The following CCDC177 variants were observed in gnomAD, a reference collection of about 807,000 sequenced individuals.
The protein encoded by CCDC177 is coiled-coil domain containing 177.
In CCDC177, 2 loss-of-function variants were observed where a neutral mutation model predicts 7.3. That is an observed-to-expected ratio of 0.28 (90% CI 0.11 to 0.87). CCDC177 has a LOEUF of 0.87. Among genes scored for constraint, CCDC177 ranks in the 40% least tolerant of loss-of-function variants. The pLI, the probability that CCDC177 is intolerant of heterozygous loss-of-function variation, is 0.61. For missense variants in CCDC177, 874 were observed against 970.5 expected (o/e 0.90, Z 1.32); for synonymous variants, 401 against 449.2 (o/e 0.89, Z 1.36).
rs1348726865 is a variant in CCDC177 at position 69,572,252 on chromosome 14, C to G, written c.1371G>C (p.Gln457His). The G allele has an allele frequency of 8.1e-7, 1 of 1,229,278 alleles. No individual in the cohort carries two copies. 76.1% of individuals were successfully genotyped at this position (1,229,278 alleles called of 1,614,324 possible). A position where few individuals can be genotyped will look rare whatever the true frequency, so the allele number is the denominator to read the frequency against. The change falls in exon 2 of 2, where the codon CAG becomes CAC. Residue 457 changes from glutamine (Q) to histidine (H), a missense_variant. Gln to His is a conservative substitution (Grantham distance 24). Coordinates refer to ENST00000599174, the MANE Select transcript of CCDC177 (RefSeq NM_001271507.2). The part of the protein sequence containing the change: ...AREDRLRKLQ[Q>H]EQNLKQREEG... ...CCTCACGTTGCTTCAGGTTCTGCTC[C>G]TGCTGAAGCTTGCGCAGCCGATCCT...
chr14:69,571,450 G>C lies in CCDC177; in HGVS notation c.*49C>G. ...CTCCCACGATGGTCAGTGGTTGAGG[G>C]AGGCCCCAGGGGGCTGTGCGTGCCA... On this transcript the variant is annotated 3_prime_UTR_variant, in exon 2 of 2. Transcript: ENST00000599174. 1 of 1,218,980 alleles carries C rather than the reference G, an allele frequency of 8.2e-7. No homozygotes were observed. The allele number at this position is 1,218,980 out of a possible 1,614,324, so 75.5% of individuals were successfully genotyped here. A position where few individuals can be genotyped will look rare whatever the true frequency, so the allele number is the denominator to read the frequency against.
At position 69,573,492 on chromosome 14, in the gene CCDC177, G is replaced by A. The variant is rs1245432999; in HGVS notation, c.131C>T (p.Ala44Val). The A allele has an allele frequency of 8.1e-7, 1 of 1,231,074 alleles. No individual in the cohort carries two copies. Among genetic ancestry groups the A allele is most frequent in the East Asian group, 3.2e-5 (1 of 31,678 alleles). The allele number at this position is 1,231,074 out of a possible 1,614,324, so 76.3% of individuals were successfully genotyped here. A position where few individuals can be genotyped will look rare whatever the true frequency, so the allele number is the denominator to read the frequency against. Reference sequence around the variant, plus strand: ...GCGGGGCACCGCCGCGGAGGCCGAGGCCGAGGCCGAGGAAGCTGCGGGCTC... The same window carrying A: ...GCGGGGCACCGCCGCGGAGGCCGAGACCGAGGCCGAGGAAGCTGCGGGCTC... ...AQEPAASSASASASAAVPRKA... is the reference protein window; with the variant it reads ...AQEPAASSASVSASAAVPRKA... The change falls in exon 2 of 2, where the codon GCC becomes GTC. Residue 44 changes from alanine to valine, a missense_variant. Ala to Val is a moderately conservative substitution (Grantham distance 64, BLOSUM62 0). Transcript: ENST00000599174.
rs1884300393 is a variant in CCDC177, at chr14:69,570,505, A to C, written c.*994T>G. On this transcript the variant is annotated 3_prime_UTR_variant, in exon 2 of 2. Coordinates refer to ENST00000599174, the MANE Select transcript of CCDC177 (RefSeq NM_001271507.2). ...CCAAGGATACCCTAATTGTCCTCAG[A>C]GAAGTAGAGATGATTCCTTCACAGA... 3.3e-6 allele frequency: 1 copy of C among 307,150 alleles called. No homozygotes were observed. The highest frequency in any genetic ancestry group is 6.4e-6 in the Non-Finnish European group (1 of 156,612). 19.0% of individuals were successfully genotyped at this position (307,150 alleles called of 1,614,324 possible). A position where few individuals can be genotyped will look rare whatever the true frequency, so the allele number is the denominator to read the frequency against.
chr14:69,573,162 C>T lies in CCDC177; in HGVS notation c.461G>A (p.Arg154His). The change falls in exon 2 of 2, where the codon CGC becomes CAC. Residue 154 changes from arginine to histidine, a missense_variant. Transcript: ENST00000599174. ...ACGCCGCTTCTCCTCGCGCATGATGCGCTCGCGCTCGGCCCGGCATTGCTG... is the reference window on the plus strand; with the variant it reads ...ACGCCGCTTCTCCTCGCGCATGATGTGCTCGCGCTCGGCCCGGCATTGCTG... The part of the protein sequence containing the change: ...KLQQCRAERE[R>H]IMREEKRRLF... 2 of 1,229,760 alleles carry T rather than the reference C, an allele frequency of 1.6e-6. No homozygotes were observed. The highest frequency in any genetic ancestry group is 1.0e-6 in the Non-Finnish European group (1 of 986,722). The allele number at this position is 1,229,760 out of a possible 1,614,324, so 76.2% of individuals were successfully genotyped here.
In CCDC177 at chr14:69,570,207, C is replaced by T. The variant is rs1884293621; in HGVS notation, c.*1292G>A. On this transcript the variant is annotated 3_prime_UTR_variant, in exon 2 of 2. Coordinates refer to ENST00000599174, the MANE Select transcript of CCDC177 (RefSeq NM_001271507.2). ...CTCCCCCTCCAGGTCAAGAAAGGCA[C>T]AAAAAGGACCAACAAATAATACTGA... 3 of 153,094 alleles carry T rather than the reference C, an allele frequency of 2.0e-5. No individual in the cohort carries two copies. Among genetic ancestry groups the T allele is most frequent in the Admixed American group, 1.9e-4 (3 of 15,420 alleles). 9.5% of individuals were successfully genotyped at this position (153,094 alleles called of 1,614,324 possible). A position where few individuals can be genotyped will look rare whatever the true frequency, so the allele number is the denominator to read the frequency against.
rs779803819 is a variant in CCDC177, at chr14:69,570,697, A to G, written c.*802T>C. On this transcript the variant is annotated 3_prime_UTR_variant, in exon 2 of 2. Coordinates refer to ENST00000599174, the MANE Select transcript of CCDC177 (RefSeq NM_001271507.2). ...CCACCCTGCAAGGAAGCTTAATGGA[A>G]TGGAACACTGCTCCCAAAGGAATCC... The G allele has an allele frequency of 3.6e-4, 143 of 401,384 alleles. 1 individual carries two copies. Among genetic ancestry groups the G allele is most frequent in the Non-Finnish European group, 5.6e-4 (114 of 204,744 alleles). The allele number at this position is 401,384 out of a possible 1,614,324, so 24.9% of individuals were successfully genotyped here.
rs1566578478 is a variant in CCDC177 at position 69,573,476 on chromosome 14, C to T, written c.147G>A (p.Ala49=). 2 of 1,231,290 alleles carry T rather than the reference C, an allele frequency of 1.6e-6. No homozygotes were observed. The highest frequency in any genetic ancestry group is 1.0e-6 in the Non-Finnish European group (1 of 987,668). The allele number at this position is 1,231,290 out of a possible 1,614,324, so 76.3% of individuals were successfully genotyped here. ...ATGGGACTTCTGCCTTGCGGGGCAC[C>T]GCCGCGGAGGCCGAGGCCGAGGCCG... is the stretch of plus-strand genomic sequence containing the variant. ...ASSASASASA[A]VPRKAEVPCA... is the part of the protein sequence containing the mutation. The change falls in exon 2 of 2, where the codon GCG becomes GCA. Residue 49 remains alanine (A), a synonymous_variant. Coordinates refer to ENST00000599174, the MANE Select transcript of CCDC177 (RefSeq NM_001271507.2).
Position 69,571,887 on chromosome 14 carries a change from C to T in CCDC177, c.1736G>A (p.Arg579Gln). Residue 579 changes from arginine (R) to glutamine (Q), a missense_variant, in exon 2 of 2, where the codon CGG becomes CAG. Physicochemically the swap from Arg to Gln is conservative, Grantham distance 43. Transcript: ENST00000599174. ...CGCCTCCAGGTGCGCCTGATGTTCC[C>T]GCTCTTTGCGCTCTGCCGCCTCCTT... ...RAKEAAERKE[R>Q]EHQAHLEALA... 3.2e-6 allele frequency: 4 copies of T among 1,231,696 alleles called. No homozygotes were observed. Among genetic ancestry groups the T allele is most frequent in the East Asian group, 6.3e-5 (2 of 31,680 alleles). The allele number at this position is 1,231,696 out of a possible 1,614,324, so 76.3% of individuals were successfully genotyped here.
In CCDC177 at chr14:69,571,705, G is replaced by A. The variant is rs1884327799; in HGVS notation, c.1918C>T (p.Arg640Trp). The A allele has an allele frequency of 2.4e-6, 3 of 1,231,842 alleles. No individual in the cohort carries two copies. The highest frequency in any genetic ancestry group is 2.0e-6 in the Non-Finnish European group (2 of 988,084). The allele number at this position is 1,231,842 out of a possible 1,614,324, so 76.3% of individuals were successfully genotyped here. A position where few individuals can be genotyped will look rare whatever the true frequency, so the allele number is the denominator to read the frequency against. Residue 640 changes from arginine (R) to tryptophan (W), a missense_variant, in exon 2 of 2, where the codon CGG (arginine) becomes TGG (tryptophan). Physicochemically the swap from Arg to Trp is moderately radical, Grantham distance 101. Transcript: ENST00000599174. ...CCGATGGCCTGGAGTAGCTCTCGCCGGCGGCAGTCTTCGTCCCTCTCCACC... is the reference window on the plus strand; with the variant it reads ...CCGATGGCCTGGAGTAGCTCTCGCCAGCGGCAGTCTTCGTCCCTCTCCACC... The part of the protein sequence containing the change: ...EKVERDEDCR[R>W]RELLQAIGRK...
In CCDC177 at chr14:69,573,086, C is replaced by CGCGGCG. The variant is rs4048622; in HGVS notation, c.531_536dup (p.Ala179_Ala180dup). 6.0e-6 allele frequency: 7 copies of CGCGGCG among 1,175,500 alleles called. No individual in the cohort carries two copies. Among genetic ancestry groups the CGCGGCG allele is most frequent in the African/African-American group, 1.6e-5 (1 of 62,272 alleles). The allele number at this position is 1,175,500 out of a possible 1,614,324, so 72.8% of individuals were successfully genotyped here. On this transcript the variant is annotated inframe_insertion, in exon 2 of 2. Coordinates refer to ENST00000599174, the MANE Select transcript of CCDC177 (RefSeq NM_001271507.2). ...TGCTGCCCGCGCTCGGGGCCGAGGC[C>CGCGGCG]GCGGCGGCGGCGGCGGCGGCGGCGG... is the stretch of plus-strand genomic sequence containing the variant.
chr14:69,571,932 T>C lies in CCDC177; in HGVS notation c.1691A>G (p.Glu564Gly). Residue 564 changes from glutamate to glycine, a missense_variant, in exon 2 of 2, where the codon GAG becomes GGG. By Grantham distance (98) the Glu-to-Gly change is moderately conservative. Transcript: ENST00000599174. Reference protein sequence around the residue: ...RELRERARREELQGRRAKEAA... With the variant: ...RELRERARREGLQGRRAKEAA... ...CTCCTTGGCCCGCCGACCCTGCAGCTCCTCTCGCCGGGCCCGCTCCCGCAG... is the reference window on the plus strand; with the variant it reads ...CTCCTTGGCCCGCCGACCCTGCAGCCCCTCTCGCCGGGCCCGCTCCCGCAG... 8.1e-7 allele frequency: 1 copy of C among 1,232,056 alleles called. No individual in the cohort carries two copies. The highest frequency in any genetic ancestry group is 1.0e-6 in the Non-Finnish European group (1 of 988,336). 76.3% of individuals were successfully genotyped at this position (1,232,056 alleles called of 1,614,324 possible).
rs1271006961 is a variant in CCDC177 at position 69,572,037 on chromosome 14, C to T, written c.1586G>A (p.Gly529Asp). 8.1e-7 allele frequency: 1 copy of T among 1,231,056 alleles called. No individual in the cohort carries two copies. Among genetic ancestry groups the T allele is most frequent in the Non-Finnish European group, 1.0e-6 (1 of 987,638 alleles). 76.3% of individuals were successfully genotyped at this position (1,231,056 alleles called of 1,614,324 possible). The change falls in exon 2 of 2, where the codon GGC (glycine) becomes GAC (aspartate). Residue 529 changes from glycine (G) to aspartate (D), a missense_variant. Coordinates refer to ENST00000599174, the MANE Select transcript of CCDC177 (RefSeq NM_001271507.2). ...RTRQQRQERE[G>D]LRSSLEASLG... ...ACTGGCTTCCAGCGAGCTCCGCAGG[C>T]CCTCTCGCTCCTGGCGCTGCTGCCG...
At position 69,570,971 on chromosome 14, in the gene CCDC177, C is replaced by T; in HGVS notation, c.*528G>A. 2 of 459,634 alleles carry T rather than the reference C, an allele frequency of 4.4e-6. No homozygotes were observed. Among genetic ancestry groups the T allele is most frequent in the Non-Finnish European group, 8.8e-6 (2 of 228,296 alleles). 28.5% of individuals were successfully genotyped at this position (459,634 alleles called of 1,614,324 possible). ...TGCTTTTTGGATCATTTGGGCGTGG[C>T]TTGACACCTTGGAGGAGCTGTGTTT... On this transcript the variant is annotated 3_prime_UTR_variant, in exon 2 of 2. Coordinates refer to ENST00000599174, the MANE Select transcript of CCDC177 (RefSeq NM_001271507.2).
In CCDC177 at chr14:69,573,116, G is replaced by A. The variant is rs1214077141; in HGVS notation, c.507C>T (p.Pro169=). ...EKRRLFTPLS[P]AAAAAAAAAA... The stretch of plus-strand genomic sequence containing the variant: ...CGGCGGCGGCGGCGGCGGCGGCCGC[G>A]GGGCTCAAAGGCGTGAAAAGACGCC... The change falls in exon 2 of 2, where the codon CCC becomes CCT. Residue 169 remains proline, a synonymous_variant. Transcript: ENST00000599174. The A allele has an allele frequency of 3.3e-6, 4 of 1,226,382 alleles. No individual in the cohort carries two copies. Among genetic ancestry groups the A allele is most frequent in the African/African-American group, 1.6e-5 (1 of 63,970 alleles). 76.0% of individuals were successfully genotyped at this position (1,226,382 alleles called of 1,614,324 possible).
chr14:69,570,698 T>G lies in CCDC177; in HGVS notation c.*801A>C. The G allele has an allele frequency of 2.5e-6, 1 of 401,878 alleles. No individual in the cohort carries two copies. The highest frequency in any genetic ancestry group is 4.9e-6 in the Non-Finnish European group (1 of 205,004). The allele number at this position is 401,878 out of a possible 1,614,324, so 24.9% of individuals were successfully genotyped here. On this transcript the variant is annotated 3_prime_UTR_variant, in exon 2 of 2. Transcript: ENST00000599174. ...CACCCTGCAAGGAAGCTTAATGGAA[T>G]GGAACACTGCTCCCAAAGGAATCCA...
intron 1 of CCDC177, 23 bp from the exon 2 acceptor site, chr14:69,573,673 T>C: frequency 8.1e-7 from 1 of 1,231,716 alleles, no homozygotes; most frequent in Non-Finnish European, 1.0e-6. Flanking sequence ...AGGAGGGACA[T>C]CGAGGAATAC....
Position 69,570,778 on chromosome 14 carries a change from C to A in CCDC177, c.*721G>T, listed in dbSNP as rs551737878. The stretch of plus-strand genomic sequence containing the variant: ...AAGCTAAACAGCATCACCAAACCAA[C>A]CAATTTCCTGTGCCACTTGGTAGAA... On this transcript the variant is annotated 3_prime_UTR_variant, in exon 2 of 2. Coordinates refer to ENST00000599174, the MANE Select transcript of CCDC177 (RefSeq NM_001271507.2). The A allele has an allele frequency of 1.5e-5, 7 of 457,486 alleles. No homozygotes were observed. Among genetic ancestry groups the A allele is most frequent in the African/African-American group, 1.4e-4 (7 of 50,160 alleles). The allele number at this position is 457,486 out of a possible 1,614,324, so 28.3% of individuals were successfully genotyped here. A position where few individuals can be genotyped will look rare whatever the true frequency, so the allele number is the denominator to read the frequency against.
In CCDC177 at chr14:69,571,770, C is replaced by T; in HGVS notation, c.1853G>A (p.Arg618Gln). ...QQKARRVGQS[R>Q]LEKERAQRAN... Reference sequence around the variant, plus strand: ...GCGCTGGGCTCGTTCCTTCTCCAGCCGGCTCTGGCCCACGCGCCGCGCCTT... The same window carrying T: ...GCGCTGGGCTCGTTCCTTCTCCAGCTGGCTCTGGCCCACGCGCCGCGCCTT... The change falls in exon 2 of 2, where the codon CGG becomes CAG. Residue 618 changes from arginine (R) to glutamine (Q), a missense_variant. Coordinates refer to ENST00000599174, the MANE Select transcript of CCDC177 (RefSeq NM_001271507.2). The T allele has an allele frequency of 1.6e-6, 2 of 1,231,584 alleles. No individual in the cohort carries two copies. Among genetic ancestry groups the T allele is most frequent in the East Asian group, 6.3e-5 (2 of 31,666 alleles). 76.3% of individuals were successfully genotyped at this position (1,231,584 alleles called of 1,614,324 possible).
Position 69,571,659 on chromosome 14 carries a change from TC to T in CCDC177, c.1963del (p.Glu655SerfsTer3). 1.6e-6 allele frequency: 2 copies of T among 1,232,130 alleles called. No individual in the cohort carries two copies. Among genetic ancestry groups the T allele is most frequent in the Non-Finnish European group, 2.0e-6 (2 of 988,250 alleles). 76.3% of individuals were successfully genotyped at this position (1,232,130 alleles called of 1,614,324 possible). A position where few individuals can be genotyped will look rare whatever the true frequency, so the allele number is the denominator to read the frequency against. ...ACTGCGCCGTTCCCGCGTCAGCTGCTCGCTGCGCTCCAGCTTGCGCCCGATG... is the reference window on the plus strand; with the variant it reads ...ACTGCGCCGTTCCCGCGTCAGCTGCTGCTGCGCTCCAGCTTGCGCCCGATG... ...QAIGRKLERS[E>X]QLTRERRSAL... On this transcript the variant is annotated frameshift_variant, in exon 2 of 2. Transcript: ENST00000599174. LOFTEE classifies it high-confidence loss of function.
Sources: allele counts gnomAD v4.1 joint callset, GRCh38; gene constraint gnomAD v4.1.1; transcripts MANE v1.5; gene names NCBI Gene and HGNC (gene_info 2026-07-23, HGNC 2026-07-21).